Variants in RMST observed in about 807,000 individuals in gnomAD.
RMST encodes the protein rhabdomyosarcoma 2 associated transcript.
chr12:97,470,809 G>C (rs1291152160), intron 5 of RMST, among the ~76,000 whole-genome samples: 1 of 151,838 alleles, frequency 6.6e-6, no homozygotes, highest in Non-Finnish European at 1.5e-5. Context: ...ATATATTTCA[G>C]TATCATAAAA....
At chr12:97,496,493 GA>G (rs1374193644) in intron 10 of RMST, among the ~76,000 whole-genome samples, 1 of 152,130 alleles carries the variant, frequency 6.6e-6, no homozygotes, top group African/African-American at 2.4e-5. Flanking sequence ...GCTCCTATTA[GA>G]ACAAGAAATT....
chr12:97,535,500 A>C (rs149053820), intron 11 of RMST, among the ~76,000 whole-genome samples: 1 of 151,604 alleles, frequency 6.6e-6, no homozygotes, highest in Non-Finnish European at 1.5e-5. Flanking sequence ...ACTCCCCCCA[A>C]TCCAGTGAGG....
intron 11 of RMST, among the ~76,000 whole-genome samples, chr12:97,531,321 G>A (rs896620217): frequency 2.0e-5 from 3 of 151,952 alleles, no homozygotes; most frequent in Non-Finnish European, 4.4e-5. Context: ...CATGCTCAAA[G>A]GAAAGCTAAG....
At chr12:97,469,331 C>G (rs1293323291) in intron 5 of RMST, among the ~76,000 whole-genome samples, 1 of 151,736 alleles carries the variant, frequency 6.6e-6, no homozygotes, top group Non-Finnish European at 1.5e-5. Context: ...TTTAGAAAGT[C>G]TAAATTTATC....
intron 11 of RMST, among the ~76,000 whole-genome samples, chr12:97,536,495 T>C (rs1157441885): frequency 6.6e-6 from 1 of 151,502 alleles, no homozygotes; most frequent in Admixed American, 6.6e-5. Flanking sequence ...TCTCTGAAGT[T>C]GACACAGAGA....
rs533498320 is a variant in RMST at position 97,513,506 on chromosome 12, C to G, written n.1341-17149C>G. 2.1e-3 allele frequency among the ~76,000 whole-genome samples: 321 copies of G among 152,218 alleles called. 1 individual carries two copies. The highest frequency in any genetic ancestry group is 0.016 in the South Asian group (77 of 4,820). ...GTTGAAGATGGAGAGGGAGAGTCAA[C>G]AAAACAGACCAGAGCTTCTGCCTTC... On this transcript the variant is annotated intron_variant and non_coding_transcript_variant, in intron 10 of 13. Transcript: ENST00000640149.
chr12:97,551,516 A>C (rs1340475807), intron 11 of RMST, among the ~76,000 whole-genome samples: 3 of 152,174 alleles, frequency 2.0e-5, no homozygotes, highest in African/African-American at 7.2e-5. Flanking sequence ...TTATTTCTCC[A>C]TTGCTCTGGC....
At chr12:97,523,358 G>A (rs1008827641) in intron 10 of RMST, among the ~76,000 whole-genome samples, 3 of 152,146 alleles carry the variant, frequency 2.0e-5, no homozygotes, top group African/African-American at 7.2e-5. Flanking sequence ...GGGGAATAGG[G>A]AGAGATTAGT....
chr12:97,545,585 A>G (rs1882868784), intron 11 of RMST, among the ~76,000 whole-genome samples: 1 of 152,096 alleles, frequency 6.6e-6, no homozygotes, highest in Admixed American at 6.6e-5. Flanking sequence ...ACCTTCAGTT[A>G]GCATCTTTGG....
intron 11 of RMST, among the ~76,000 whole-genome samples, chr12:97,536,600 G>A (rs551493314): frequency 4.5e-4 from 68 of 151,528 alleles, no homozygotes; most frequent in African/African-American, 1.6e-3. Context: ...TTGTCAACTT[G>A]TACTGAAAGT....
At chr12:97,552,611 C>T (rs902004102) in intron 11 of RMST, among the ~76,000 whole-genome samples, 1 of 152,182 alleles carries the variant, frequency 6.6e-6, no homozygotes, top group Non-Finnish European at 1.5e-5. Flanking sequence ...GAGGAATTTG[C>T]ACTCCAGGTT....
chr12:97,548,185 C>T (rs1483772652), intron 11 of RMST, among the ~76,000 whole-genome samples: 2 of 152,052 alleles, frequency 1.3e-5, no homozygotes, highest in Non-Finnish European at 2.9e-5. Context: ...ACACCTCTGT[C>T]AAAAATAAAT....
At chr12:97,490,160 C>G (rs1201033240) in intron 5 of RMST, among the ~76,000 whole-genome samples, 1 of 152,150 alleles carries the variant, frequency 6.6e-6, no homozygotes, top group East Asian at 1.9e-4. Context: ...GAAGAATGAG[C>G]CTGGCGGACG....
chr12:97,549,976 G>A (rs187002126), intron 11 of RMST, among the ~76,000 whole-genome samples: 78 of 152,150 alleles, frequency 5.1e-4, no homozygotes, highest in South Asian at 2.3e-3. Flanking sequence ...TTTATTTCCC[G>A]TTTTATATGC....
At chr12:97,477,557 A>G (rs1874703317) in intron 5 of RMST, among the ~76,000 whole-genome samples, 1 of 152,170 alleles carries the variant, frequency 6.6e-6, no homozygotes, top group Non-Finnish European at 1.5e-5. Flanking sequence ...TACAGAGAGG[A>G]GGATTCAGAA....
At chr12:97,562,191 A>C (rs1884166391) in intron 13 of RMST, among the ~76,000 whole-genome samples, 1 of 152,180 alleles carries the variant, frequency 6.6e-6, no homozygotes, top group African/African-American at 2.4e-5. Flanking sequence ...CAAAGGATGC[A>C]GGTCCAAACT....
intron 13 of RMST, among the ~76,000 whole-genome samples, chr12:97,562,969 T>C (rs1051356329): frequency 1.3e-4 from 20 of 152,088 alleles, no homozygotes; most frequent in Admixed American, 1.3e-3. Context: ...GTTTCGGGAG[T>C]TGGTAGATAG....
At chr12:97,494,671 T>A (rs533323834) in intron 8 of RMST, 1 of 152,320 alleles carries the variant, frequency 6.6e-6, no homozygotes, top group East Asian at 1.9e-4. Flanking sequence ...ATTCTTACTT[T>A]TTTTTCTTAT....
At chr12:97,505,138 C>G (rs1435891778) in intron 10 of RMST, among the ~76,000 whole-genome samples, 2 of 152,194 alleles carry the variant, frequency 1.3e-5, no homozygotes, top group Non-Finnish European at 2.9e-5. Flanking sequence ...GTCTGACATG[C>G]AAATTATTCA....
Sources: gnomAD v4.1 joint callset for allele counts (sites outside exome capture counted in the v4.1 genomes callset) on GRCh38, gnomAD v4.1.1 for gene constraint, MANE v1.5 for transcripts, NCBI Gene and HGNC (gene_info 2026-07-23, HGNC 2026-07-21) for gene names.